The following FBXO32 variants were observed in gnomAD, a reference collection of about 807,000 sequenced individuals.
FBXO32 encodes F-box protein 32.
A neutral mutation model predicts 48.3 loss-of-function variants in FBXO32; 15 were observed. The ratio of observed to expected loss-of-function variants is 0.31; its 90% CI spans 0.21 to 0.48. The LOEUF (loss-of-function observed/expected upper bound fraction) is 0.48. FBXO32 is among the 20% of genes least tolerant of loss of function. The probability of loss-of-function intolerance (pLI) is 0.99; values close to 1 mark genes in which losing one functional copy is unlikely to be tolerated. For missense variants in FBXO32, 309 were observed against 432.7 expected (o/e 0.71, Z 2.54); for synonymous variants, 154 against 165.9 (o/e 0.93, Z 0.55).
chr8:123,539,198 A>G (rs57111244), intron 1 of FBXO32, among the ~76,000 whole-genome samples: 24,584 of 152,010 alleles, frequency 0.16, 2,282 homozygotes, highest in East Asian at 0.32. Flanking sequence ...TCTGTTCTCC[A>G]CTGAGGAGCA....
In FBXO32 at chr8:123,540,886, C is replaced by A. The variant is rs2130568974; in HGVS notation, c.116+13G>T. ...TTTCGCGGGGGCTGGAAGTTGGTAG[C>A]GGGTCCCCTCACCTGCTGAGGTCGC... On this transcript the variant is annotated intron_variant, in intron 1 of 8. Transcript: ENST00000517956. The surrounding 1 kb of genome is among the most constrained non-coding windows in gnomAD (Gnocchi z 6.4). 6.2e-7 allele frequency: 1 copy of A among 1,606,860 alleles called. No individual in the cohort carries two copies. Among genetic ancestry groups the A allele is most frequent in the Non-Finnish European group, 8.5e-7 (1 of 1,174,568 alleles).
At chr8:123,508,037 G>A (rs891209559) in intron 6 of FBXO32, among the ~76,000 whole-genome samples, 8 of 152,146 alleles carry the variant, frequency 5.3e-5, no homozygotes, top group Admixed American at 3.9e-4. Context: ...CTGGGACTGC[G>A]GTTCCTTGTC....
intron 6 of FBXO32, among the ~76,000 whole-genome samples, chr8:123,507,308 T>C (rs2130504606): frequency 6.6e-6 from 1 of 152,322 alleles, no homozygotes; most frequent in Admixed American, 6.5e-5. Context: ...TTAATCTTTT[T>C]TCACTACTGT....
In FBXO32 at chr8:123,506,677, C is replaced by A. The variant is rs532715568; in HGVS notation, c.652-103G>T. 1.0e-6 allele frequency: 1 copy of A among 974,166 alleles called. No individual in the cohort carries two copies. Among genetic ancestry groups the A allele is most frequent in the Non-Finnish European group, 1.5e-6 (1 of 650,014 alleles). 60.3% of individuals were successfully genotyped at this position (974,166 alleles called of 1,614,324 possible). ...CTGTGCCCGTCCTCCACCCTCAAGG[C>A]AGTTTATTGATAAGAGGTCGAAAGC... On this transcript the variant is annotated intron_variant, in intron 6 of 8. Coordinates refer to ENST00000517956, the MANE Select transcript of FBXO32 (RefSeq NM_058229.4). This position sits in a 1 kb window ranked among gnomAD's most constrained non-coding sequence, Gnocchi z 4.0.
intron 6 of FBXO32, among the ~76,000 whole-genome samples, chr8:123,512,100 C>G (rs2130514047): frequency 6.6e-6 from 1 of 152,242 alleles, no homozygotes; most frequent in East Asian, 1.9e-4. Context: ...TTAAAAAAAT[C>G]AAATACTTGA....
intron 1 of FBXO32, among the ~76,000 whole-genome samples, chr8:123,536,305 T>C (rs1205801805): frequency 6.6e-6 from 1 of 152,186 alleles, no homozygotes; most frequent in Non-Finnish European, 1.5e-5. Context: ...AGAAATGTCC[T>C]CTCAGAGGCA....
chr8:123,525,240 C>G lies in FBXO32; in HGVS notation c.372+6658G>C, dbSNP rs377503399. Among the ~76,000 whole-genome samples, 38 of 152,262 alleles carry G rather than the reference C, an allele frequency of 2.5e-4. No individual in the cohort carries two copies. The South Asian group carries it at 5.4e-3, about 22-fold the overall frequency. On this transcript the variant is annotated intron_variant, in intron 4 of 8. Coordinates refer to ENST00000517956, the MANE Select transcript of FBXO32 (RefSeq NM_058229.4). This position sits in a 1 kb window ranked among gnomAD's most constrained non-coding sequence, Gnocchi z 4.3. ...CATTCAAATGCACTTAGGGTGGTAA[C>G]GCAGAAAAAAATAAGAATGTGCATC...
In FBXO32 at chr8:123,505,131, G is replaced by A. The variant is rs75680285; in HGVS notation, c.835-384C>T. Among the ~76,000 whole-genome samples, 63 of 152,226 alleles carry A rather than the reference G, an allele frequency of 4.1e-4. 1 individual carries two copies. The East Asian group carries it at 0.012, about 29-fold the overall frequency. On this transcript the variant is annotated intron_variant, in intron 7 of 8. Transcript: ENST00000517956. ...GAGATGCAATAACTGCTTGGCACCA[G>A]GGCTCTATTTTATATCTAAATATTA... is the stretch of plus-strand genomic sequence containing the variant.
At chr8:123,504,549 T>C (rs1586986909) in intron 8 of FBXO32, 55 bp downstream of exon 8, 1 of 1,421,138 alleles carries the variant, frequency 7.0e-7, no homozygotes, top group Admixed American at 2.1e-5. Flanking sequence ...GCTGGCACTC[T>C]TGGCTCTTAG....
In FBXO32 at chr8:123,500,944, G is replaced by A. The variant is rs1349830735; in HGVS notation, c.*2429C>T. 1.3e-5 allele frequency: 2 copies of A among 152,166 alleles called. No individual in the cohort carries two copies. The highest frequency in any genetic ancestry group is 4.8e-5 in the African/African-American group (2 of 41,416). 9.4% of individuals were successfully genotyped at this position (152,166 alleles called of 1,614,324 possible). The stretch of plus-strand genomic sequence containing the variant: ...CCGTAACCCTTCTCTTGGGGCAGAG[G>A]TCATCTTGCACAGATGCACATGGTT... On this transcript the variant is annotated 3_prime_UTR_variant, in exon 9 of 9. Transcript: ENST00000517956.
intron 8 of FBXO32, among the ~76,000 whole-genome samples, 155 bp from the exon 9 acceptor site, chr8:123,503,617 A>C (rs1816546684): frequency 6.6e-6 from 1 of 152,180 alleles, no homozygotes; most frequent in Admixed American, 6.5e-5. Flanking sequence ...GGGAGCTGTG[A>C]AAGTAGATTT....
intron 4 of FBXO32, among the ~76,000 whole-genome samples, chr8:123,519,701 C>T (rs924723762): frequency 7.2e-5 from 11 of 152,062 alleles, no homozygotes; most frequent in Non-Finnish European, 1.5e-4. Flanking sequence ...GTCTACTTTC[C>T]ACATCAGCAT....
intron 3 of FBXO32, 199 bp from the exon 4 acceptor site, chr8:123,532,189 G>T: frequency 1.5e-6 from 2 of 1,369,276 alleles, no homozygotes; most frequent in South Asian, 3.4e-5. Context: ...GCCAGCAGCT[G>T]CCTCAGTCAG....
In FBXO32 at chr8:123,536,533, C is replaced by T. The variant is rs115855367; in HGVS notation, c.117-1719G>A. On this transcript the variant is annotated intron_variant, in intron 1 of 8. Transcript: ENST00000517956. ...AATCAACGTTGAGAAAAACAGCAAA[C>T]GATGGAAGGTCATTTGAGTGGTCCA... is the stretch of plus-strand genomic sequence containing the variant. 9.9e-3 allele frequency among the ~76,000 whole-genome samples: 1,501 copies of T among 152,228 alleles called. 32 individuals carry two copies. Among genetic ancestry groups the T allele is most frequent in the African/African-American group, 0.034 (1,415 of 41,536 alleles).
At chr8:123,521,184 A>G (rs1816946465) in intron 4 of FBXO32, among the ~76,000 whole-genome samples, 9 of 152,262 alleles carry the variant, frequency 5.9e-5, no homozygotes, top group Admixed American at 5.9e-4. Flanking sequence ...GGAACCCTCA[A>G]GACAGCAAGT....
chr8:123,524,690 G>A (rs187469644), intron 4 of FBXO32, among the ~76,000 whole-genome samples: 2 of 152,130 alleles, frequency 1.3e-5, no homozygotes, highest in African/African-American at 2.4e-5. Flanking sequence ...GCTAATTTTT[G>A]TATTTTTAGT....
chr8:123,527,208 G>C (rs1019742961), intron 4 of FBXO32: 2 of 152,208 alleles, frequency 1.3e-5, no homozygotes, highest in Non-Finnish European at 2.9e-5. Flanking sequence ...CTTCAAGGTA[G>C]AGTCAGATCT....
chr8:123,539,732 C>T (rs1374473680), intron 1 of FBXO32, among the ~76,000 whole-genome samples: 2 of 152,166 alleles, frequency 1.3e-5, no homozygotes, highest in Non-Finnish European at 2.9e-5. Context: ...AAATTTATTG[C>T]CAATGCTTCA....
intron 4 of FBXO32, among the ~76,000 whole-genome samples, chr8:123,529,771 G>T (rs1817160877): frequency 6.6e-6 from 1 of 152,168 alleles, no homozygotes; most frequent in African/African-American, 2.4e-5. Flanking sequence ...TTATTGAAAA[G>T]ATAAAAGGTG....
Sources: allele counts gnomAD v4.1 joint callset (sites outside exome capture counted in the v4.1 genomes callset), GRCh38; gene constraint gnomAD v4.1.1; non-coding constraint Gnocchi (gnomAD v3.1); transcripts MANE v1.5; gene names NCBI Gene and HGNC (gene_info 2026-07-23, HGNC 2026-07-21).